The following SIK3 variants were observed in gnomAD, a reference collection of about 807,000 sequenced individuals.
The protein encoded by SIK3 is serine/threonine-protein kinase SIK3.
A neutral mutation model predicts 144.2 loss-of-function variants in SIK3; 28 were observed. That is an observed-to-expected ratio of 0.19 (90% CI 0.14 to 0.27). SIK3 has a LOEUF of 0.27. Among genes scored for constraint, SIK3 ranks in the 10% least tolerant of loss-of-function variants. The pLI is 1.00. For missense variants in SIK3, 1,319 were observed against 1,776.0 expected, an observed-to-expected ratio of 0.74 and a Z score of 4.62; for synonymous variants, 686 against 676.3, an observed-to-expected ratio of 1.01 and a Z score of -0.22.
Position 116,879,886 on chromosome 11 carries a change from A to C in SIK3, c.866-2844T>G, listed in dbSNP as rs76503854. Among the ~76,000 whole-genome samples, 1,445 of 152,156 alleles carry C rather than the reference A, an allele frequency of 9.5e-3. 26 individuals carry two copies. Among genetic ancestry groups the C allele is most frequent in the African/African-American group, 0.033 (1,370 of 41,574 alleles). ...GTAGCAGCACCTGTATAGATTATAAATGTCATTGACACATATGTTTATCGT... is the reference window on the plus strand; with the variant it reads ...GTAGCAGCACCTGTATAGATTATAACTGTCATTGACACATATGTTTATCGT... On this transcript the variant is annotated intron_variant, in intron 6 of 24. Transcript: ENST00000445177.
intron 3 of SIK3, among the ~76,000 whole-genome samples, chr11:116,938,030 C>G (rs1948011851): frequency 6.6e-6 from 1 of 151,916 alleles, no homozygotes; most frequent in South Asian, 2.1e-4. Flanking sequence ...CATGGTGAAA[C>G]CCCGTCTCAA....
intron 2 of SIK3, among the ~76,000 whole-genome samples, chr11:116,956,087 T>G (rs377698522): frequency 1.6e-4 from 24 of 152,266 alleles, no homozygotes; most frequent in African/African-American, 5.3e-4. Flanking sequence ...AGATGGCTGT[T>G]CTGGCAGAAA....
chr11:116,910,341 T>C (rs182552375), intron 4 of SIK3, among the ~76,000 whole-genome samples: 3 of 152,250 alleles, frequency 2.0e-5, no homozygotes, highest in Admixed American at 2.0e-4. Flanking sequence ...CTAGATAATA[T>C]TTTTAAAAAC....
intron 7 of SIK3, 130 bp downstream of exon 7, chr11:116,876,794 C>T: frequency 1.4e-6 from 1 of 718,968 alleles, no homozygotes; most frequent in Non-Finnish European, 2.5e-6. Context: ...GCTTCACGTG[C>T]TGCTTTAGTG....
At chr11:116,942,322 C>A (rs1011136600) in intron 3 of SIK3, among the ~76,000 whole-genome samples, 1 of 152,156 alleles carries the variant, frequency 6.6e-6, no homozygotes, top group African/African-American at 2.4e-5. Flanking sequence ...GATGTTCTTT[C>A]ATTCACTTAG....
At chr11:116,948,095 T>C (rs1948762464) in intron 3 of SIK3, among the ~76,000 whole-genome samples, 2 of 151,702 alleles carry the variant, frequency 1.3e-5, no homozygotes, top group Admixed American at 6.6e-5. Context: ...CCACCATGCA[T>C]GGCTAATTTT....
intron 1 of SIK3, among the ~76,000 whole-genome samples, chr11:117,081,748 C>A (rs531121767): frequency 1.3e-5 from 2 of 152,282 alleles, no homozygotes; most frequent in African/African-American, 2.4e-5. Flanking sequence ...CTCAATAAAA[C>A]ATATAGTTTC....
intron 4 of SIK3, among the ~76,000 whole-genome samples, chr11:116,905,976 T>A (rs1293958941): frequency 6.6e-6 from 1 of 152,236 alleles, no homozygotes; most frequent in Non-Finnish European, 1.5e-5. Context: ...CCAACTTATC[T>A]GTATTTCCTT....
intron 1 of SIK3, among the ~76,000 whole-genome samples, chr11:117,051,385 GATCACATGA>G: frequency 6.6e-6 from 1 of 152,034 alleles, no homozygotes; most frequent in Non-Finnish European, 1.5e-5. Flanking sequence ...CGGCCTCCAT[GATCACATGA>G]ATCACATGAG....
At chr11:116,875,565 T>C in intron 9 of SIK3, 114 bp from the exon 10 acceptor site, 1 of 1,230,110 alleles carries the variant, frequency 8.1e-7, no homozygotes, top group Non-Finnish European at 1.1e-6. Flanking sequence ...ACTAAAGTTT[T>C]TGGTTCATCG....
chr11:116,943,285 G>A (rs946751765), intron 3 of SIK3, among the ~76,000 whole-genome samples: 1 of 152,144 alleles, frequency 6.6e-6, no homozygotes, highest in African/African-American at 2.4e-5. Flanking sequence ...GTTCACAGGG[G>A]GAATAACATT....
intron 1 of SIK3, among the ~76,000 whole-genome samples, chr11:116,982,167 C>A (rs1004279932): frequency 6.6e-6 from 1 of 152,184 alleles, no homozygotes; most frequent in Non-Finnish European, 1.5e-5. Flanking sequence ...GGGACAGTCT[C>A]CAGTAGGACC....
chr11:116,950,978 G>A (rs1948907852), intron 3 of SIK3, among the ~76,000 whole-genome samples: 1 of 152,188 alleles, frequency 6.6e-6, no homozygotes, highest in Admixed American at 6.5e-5. Flanking sequence ...AAGCAAGGCA[G>A]GTCAGCAGAG....
intron 3 of SIK3, among the ~76,000 whole-genome samples, chr11:116,943,559 G>A (rs1460270924): frequency 6.6e-6 from 1 of 152,042 alleles, no homozygotes; most frequent in Non-Finnish European, 1.5e-5. Context: ...TGCCTCTCTT[G>A]CCTTCACATT....
At chr11:117,091,280 C>A (rs536830820) in intron 1 of SIK3, among the ~76,000 whole-genome samples, 1 of 143,376 alleles carries the variant, frequency 7.0e-6, no homozygotes, top group African/African-American at 2.6e-5. Flanking sequence ...TCTCGGCTCA[C>A]TGCAACCTCT....
intron 1 of SIK3, among the ~76,000 whole-genome samples, chr11:117,034,064 GAA>G (rs1952386101): frequency 6.6e-6 from 1 of 151,674 alleles, no homozygotes; most frequent in Non-Finnish European, 1.5e-5. Flanking sequence ...TTCTGGGGGA[GAA>G]AAAAACAGTA....
At chr11:117,098,119 G>A in intron 1 of SIK3, 24 bp downstream of exon 1, 1 of 1,436,530 alleles carries the variant, frequency 7.0e-7, no homozygotes, top group South Asian at 1.3e-5. Flanking sequence ...CGCTCCGACT[G>A]CCGCCTGGCC....
At chr11:117,059,801 G>A (rs569358044) in intron 1 of SIK3, among the ~76,000 whole-genome samples, 4 of 152,112 alleles carry the variant, frequency 2.6e-5, no homozygotes, top group Admixed American at 2.6e-4. Flanking sequence ...AAACAACAAC[G>A]AGACACCACA....
chr11:117,076,126 G>A (rs1198003828), intron 1 of SIK3, among the ~76,000 whole-genome samples: 1 of 152,032 alleles, frequency 6.6e-6, no homozygotes, highest in Non-Finnish European at 1.5e-5. Context: ...TGGGATTACA[G>A]GTGTGAGCCA....
Sources: allele counts gnomAD v4.1 joint callset (sites outside exome capture counted in the v4.1 genomes callset), GRCh38; gene constraint gnomAD v4.1.1; transcripts MANE v1.5; gene names NCBI Gene and HGNC (gene_info 2026-07-23, HGNC 2026-07-21).